GMCL1: variants seen among roughly 807,000 people sequenced by gnomAD.
The protein encoded by GMCL1 is germ cell-less 1, spermatogenesis associated.
GMCL1 carries 54 observed loss-of-function variants against 75.5 expected under a neutral mutation model. That is an observed-to-expected ratio of 0.71 (90% CI 0.57 to 0.90). The LOEUF (loss-of-function observed/expected upper bound fraction) is 0.90. GMCL1 is among the 40% of genes least tolerant of loss of function. The pLI is 0.00. For missense variants in GMCL1, 537 were observed against 622.7 expected (o/e 0.86, Z 1.47); for synonymous variants, 210 against 209.6 (o/e 1.00, Z -0.02).
At position 69,879,120 on chromosome 2, in the gene GMCL1, C is replaced by T. The variant is rs986946318; in HGVS notation, c.*116C>T. On this transcript the variant is annotated 3_prime_UTR_variant, in exon 14 of 14. Coordinates refer to ENST00000282570, the MANE Select transcript of GMCL1 (RefSeq NM_178439.5). ...TTAATGGCCCTACTGATATTCACAT[C>T]GAAGGTGACTAACAATGACAAAGGC... 1.9e-5 allele frequency: 12 copies of T among 645,392 alleles called. No homozygotes were observed. The East Asian group carries it at 2.4e-4, about 13-fold the overall frequency. 40.0% of individuals were successfully genotyped at this position (645,392 alleles called of 1,614,324 possible). A position where few individuals can be genotyped will look rare whatever the true frequency, so the allele number is the denominator to read the frequency against.
intron 10 of GMCL1, 44 bp from the exon 11 acceptor site, chr2:69,864,856 T>C: frequency 8.1e-7 from 1 of 1,241,616 alleles, no homozygotes; most frequent in Non-Finnish European, 1.2e-6. Context: ...TAATTATTAG[T>C]TGCATATTTT....
chr2:69,841,601 G>A (rs1674987768), intron 4 of GMCL1, among the ~76,000 whole-genome samples: 1 of 152,176 alleles, frequency 6.6e-6, no homozygotes, highest in Admixed American at 6.5e-5. Flanking sequence ...AACATAGTAT[G>A]TATGTGTGGA....
At chr2:69,857,778 A>G (rs180682668) in intron 9 of GMCL1, among the ~76,000 whole-genome samples, 4 of 152,214 alleles carry the variant, frequency 2.6e-5, no homozygotes, top group African/African-American at 9.6e-5. Context: ...TATGTGTTTC[A>G]TAAGTTGTTC....
intron 11 of GMCL1, among the ~76,000 whole-genome samples, chr2:69,867,941 A>G (rs902556589): frequency 7.2e-5 from 11 of 152,364 alleles, no homozygotes; most frequent in Admixed American, 5.2e-4. Flanking sequence ...GCCTACTGCA[A>G]TGAAAAGAGA....
chr2:69,858,283 G>A (rs914833607), intron 9 of GMCL1, among the ~76,000 whole-genome samples: 1 of 152,132 alleles, frequency 6.6e-6, no homozygotes, highest in Admixed American at 6.5e-5. Flanking sequence ...CCAAAATGCT[G>A]GAATTACAGG....
intron 11 of GMCL1, among the ~76,000 whole-genome samples, chr2:69,865,693 A>G (rs890809651): frequency 1.1e-4 from 16 of 152,294 alleles, no homozygotes; most frequent in African/African-American, 3.6e-4. Context: ...ATAAATGTAT[A>G]TAAGTGAAAG....
chr2:69,871,890 T>C, intron 13 of GMCL1, 58 bp downstream of exon 13: 1 of 1,104,412 alleles, frequency 9.1e-7, no homozygotes, highest in South Asian at 1.4e-5. Context: ...AATCCTCTTT[T>C]GAAAATTCTT....
intron 5 of GMCL1, 43 bp downstream of exon 5, chr2:69,843,304 A>C (rs1456419744): frequency 9.2e-7 from 1 of 1,083,038 alleles, no homozygotes; most frequent in Non-Finnish European, 1.4e-6. Flanking sequence ...CACTTTTAGG[A>C]ATTTGGTTGC....
At position 69,871,829 on chromosome 2, in the gene GMCL1, T is replaced by C; in HGVS notation, c.1449T>C (p.Asp483=). 1 of 1,548,558 alleles carries C rather than the reference T, an allele frequency of 6.5e-7. No individual in the cohort carries two copies. The highest frequency in any genetic ancestry group is 8.8e-7 in the Non-Finnish European group (1 of 1,133,008). The change falls in exon 13 of 14, where the codon GAT becomes GAC. Residue 483 remains aspartate (D), a synonymous_variant. Coordinates refer to ENST00000282570, the MANE Select transcript of GMCL1 (RefSeq NM_178439.5). ...ATCAAATACTTACACTTGAAAAGGA[T>C]CAGGTATGTTCGATTATCTTCTGGT... The part of the protein sequence containing the change: ...TGYQILTLEK[D]QEQVVMNLDS...
At chr2:69,862,572 C>T (rs923248042) in intron 10 of GMCL1, among the ~76,000 whole-genome samples, 4 of 151,980 alleles carry the variant, frequency 2.6e-5, no homozygotes, top group East Asian at 3.9e-4. Flanking sequence ...CAAGCCTGAC[C>T]GAGATGGAGA....
chr2:69,878,939 C>T lies in GMCL1; in HGVS notation c.1483C>T (p.Leu495Phe), dbSNP rs1353764234. 2 of 1,609,842 alleles carry T rather than the reference C, an allele frequency of 1.2e-6. No homozygotes were observed. The highest frequency in any genetic ancestry group is 1.7e-6 in the Non-Finnish European group (2 of 1,176,288). The change falls in exon 14 of 14, where the codon CTT becomes TTT. Residue 495 changes from leucine (L) to phenylalanine (F), a missense_variant. Transcript: ENST00000282570. ...AGTGGTGATGAACTTGGACAGCAGG[C>T]TTCTGATCTTCCCTTTATATATCTG... is the stretch of plus-strand genomic sequence containing the variant. ...EQVVMNLDSR[L>F]LIFPLYICCN... is the part of the protein sequence containing the mutation.
intron 6 of GMCL1, 68 bp downstream of exon 6, chr2:69,844,264 A>G (rs1025307492): frequency 1.6e-5 from 15 of 916,458 alleles, no homozygotes; most frequent in East Asian, 7.7e-5. Context: ...GTTAAAGTAC[A>G]TAACATTTTT....
At chr2:69,830,662 C>T (rs1443245599) in intron 1 of GMCL1, among the ~76,000 whole-genome samples, 2 of 151,980 alleles carry the variant, frequency 1.3e-5, no homozygotes, top group Non-Finnish European at 2.9e-5. Context: ...ACATTTGTTC[C>T]TAACTAGGAA....
At chr2:69,878,474 C>T (rs971093925) in intron 13 of GMCL1, among the ~76,000 whole-genome samples, 5 of 152,076 alleles carry the variant, frequency 3.3e-5, no homozygotes, top group African/African-American at 7.2e-5. Context: ...TAGAAAGACC[C>T]TATCTCATTT....
rs943907949 is a variant in GMCL1 at position 69,830,138 on chromosome 2, C to T, written c.246C>T (p.Leu82=). The T allele has an allele frequency of 2.6e-6, 4 of 1,566,816 alleles. No individual in the cohort carries two copies. Among genetic ancestry groups the T allele is most frequent in the Admixed American group, 1.9e-5 (1 of 52,724 alleles). Residue 82 remains leucine (L), a synonymous_variant, in exon 1 of 14, where the codon CTC becomes CTT. Coordinates refer to ENST00000282570, the MANE Select transcript of GMCL1 (RefSeq NM_178439.5). Reference sequence around the variant, plus strand: ...AGGGGGACGAGCAGCAGCGGCTCCTCAACACCCCTCGAAGGTACGTGGGGG... The same window carrying T: ...AGGGGGACGAGCAGCAGCGGCTCCTTAACACCCCTCGAAGGTACGTGGGGG... ...EEEGDEQQRL[L]NTPRRKKLKS...
At chr2:69,838,078 C>A (rs527694696) in intron 2 of GMCL1, among the ~76,000 whole-genome samples, 1 of 152,070 alleles carries the variant, frequency 6.6e-6, no homozygotes, top group South Asian at 2.1e-4. Flanking sequence ...ATAGAAAGTT[C>A]TCTCCTGAAA....
chr2:69,840,021 T>C (rs545973731), intron 3 of GMCL1: 4 of 154,334 alleles, frequency 2.6e-5, no homozygotes, highest in Non-Finnish European at 5.8e-5. Context: ...TTAGTGAGCC[T>C]GTGTCAGACT....
chr2:69,829,873 G>A lies in GMCL1; in HGVS notation c.-20G>A, dbSNP rs769575046. 1.8e-5 allele frequency: 28 copies of A among 1,559,544 alleles called. No homozygotes were observed. The East Asian group carries it at 6.2e-4, about 34-fold the overall frequency. Reference sequence around the variant, plus strand: ...GACCCCCTTCTCTGGGCTCCCTGAAGTCTCGGGGAGCCGTGACCCATGGGA... The same window carrying A: ...GACCCCCTTCTCTGGGCTCCCTGAAATCTCGGGGAGCCGTGACCCATGGGA... On this transcript the variant is annotated 5_prime_UTR_variant, in exon 1 of 14. Coordinates refer to ENST00000282570, the MANE Select transcript of GMCL1 (RefSeq NM_178439.5).
intron 1 of GMCL1, among the ~76,000 whole-genome samples, chr2:69,836,598 A>G (rs1674825219): frequency 1.3e-5 from 2 of 152,336 alleles, no homozygotes; most frequent in Admixed American, 6.5e-5. Context: ...CCAATTCAGG[A>G]TGTCATCTGA....
Sources: allele counts gnomAD v4.1 joint callset (sites outside exome capture counted in the v4.1 genomes callset), GRCh38; gene constraint gnomAD v4.1.1; transcripts MANE v1.5; gene names NCBI Gene and HGNC (gene_info 2026-07-23, HGNC 2026-07-21).